Variants in CCSER1 observed in about 807,000 individuals in gnomAD.
The protein encoded by CCSER1 is coiled-coil serine rich protein 1.
In CCSER1, 41 loss-of-function variants were observed where a neutral mutation model predicts 82.0. That is an observed-to-expected ratio of 0.50 (90% confidence interval 0.39 to 0.65). The LOEUF (loss-of-function observed/expected upper bound fraction) is 0.65. Among genes scored for constraint, CCSER1 ranks in the 30% least tolerant of loss-of-function variants. The pLI is 0.00. For synonymous variants in CCSER1, 414 were observed against 383.9 expected, an observed-to-expected ratio of 1.08 and a Z score of -0.92; for missense variants, 1,119 against 1,064.2, an observed-to-expected ratio of 1.05 and a Z score of -0.72.
At chr4:90,924,644 A>G (rs1285078969) in intron 9 of CCSER1, among the ~76,000 whole-genome samples, 2 of 152,182 alleles carry the variant, frequency 1.3e-5, no homozygotes, top group Non-Finnish European at 2.9e-5. Context: ...GTCCTTAAAG[A>G]GTATTTACCA....
At chr4:91,454,818 C>T (rs762666520) in intron 10 of CCSER1, among the ~76,000 whole-genome samples, 13 of 151,750 alleles carry the variant, frequency 8.6e-5, no homozygotes, top group Admixed American at 1.3e-4. Flanking sequence ...ATCGACTCCC[C>T]GAGAAGCTGA....
chr4:90,632,543 G>A (rs915528151), intron 6 of CCSER1, among the ~76,000 whole-genome samples: 1 of 152,020 alleles, frequency 6.6e-6, no homozygotes. Flanking sequence ...ATCTAACATT[G>A]TGTTTGTATC....
Position 90,585,559 on chromosome 4 carries a change from A to G in CCSER1, c.1725-42466A>G, listed in dbSNP as rs763983796. On this transcript the variant is annotated intron_variant, in intron 5 of 10. Transcript: ENST00000509176. ...TATAAACCTAGCTAATTAATATTAT[A>G]TGAAGAGTTACCTTTACTTTGCCTA... Among the ~76,000 whole-genome samples the G allele has an allele frequency of 5.9e-5, 9 of 152,240 alleles. 1 individual carries two copies. The highest frequency in any genetic ancestry group is 2.6e-4 in the Admixed American group (4 of 15,288).
intron 1 of CCSER1, among the ~76,000 whole-genome samples, chr4:90,261,819 G>T (rs1724381418): frequency 6.6e-6 from 1 of 151,962 alleles, no homozygotes; most frequent in African/African-American, 2.4e-5. Flanking sequence ...CTTCATCTTT[G>T]TCTGATTGGT....
rs1465747447 is a variant in CCSER1 at position 90,923,494 on chromosome 4, G to A, written c.2172+47G>A. On this transcript the variant is annotated intron_variant, in intron 9 of 10. Transcript: ENST00000509176. ...TTTTTAACTTCATTATTGGCATTCAGACCTCCACAGCTTATTGACCTCTGC... is the reference window on the plus strand; with the variant it reads ...TTTTTAACTTCATTATTGGCATTCAAACCTCCACAGCTTATTGACCTCTGC... 3 of 1,269,850 alleles carry A rather than the reference G, an allele frequency of 2.4e-6. 1 individual carries two copies. The highest frequency in any genetic ancestry group is 3.7e-4 in the Middle Eastern group (2 of 5,454). 78.7% of individuals were successfully genotyped at this position (1,269,850 alleles called of 1,614,324 possible).
chr4:91,490,381 A>G (rs571475273), intron 10 of CCSER1, among the ~76,000 whole-genome samples: 107 of 152,286 alleles, frequency 7.0e-4, no homozygotes, highest in African/African-American at 2.4e-3. Context: ...GAAACATGGT[A>G]TATATACAAG....
intron 5 of CCSER1, among the ~76,000 whole-genome samples, chr4:90,520,661 G>A (rs764060237): frequency 5.3e-5 from 8 of 152,124 alleles, no homozygotes; most frequent in Non-Finnish European, 8.8e-5. Flanking sequence ...CTACTTAATG[G>A]TGGATCAAAT....
At chr4:91,458,934 TTG>T (rs1433542313) in intron 10 of CCSER1, among the ~76,000 whole-genome samples, 1 of 152,158 alleles carries the variant, frequency 6.6e-6, no homozygotes, top group Non-Finnish European at 1.5e-5. Flanking sequence ...CTCCCTATTT[TTG>T]ATGAATCCTT....
Position 91,481,073 on chromosome 4 carries a change from T to A in CCSER1, c.2218-117499T>A, listed in dbSNP as rs1031006180. On this transcript the variant is annotated intron_variant, in intron 10 of 10. Coordinates refer to ENST00000509176, the MANE Select transcript of CCSER1 (RefSeq NM_001145065.2). ...ACCCCTGCCCTCCCTTCCCCTCCCC[T>A]CCCCACCCCTGCCTTCCCTTCCCTT... Among the ~76,000 whole-genome samples the A allele has an allele frequency of 9.4e-5, 3 of 31,848 alleles. No homozygotes were observed. The Admixed American group carries it at 1.2e-3, about 13-fold the overall frequency. The allele number at this position is 31,848 out of a possible 152,430, so 20.9% of individuals were successfully genotyped here. A position where few individuals can be genotyped will look rare whatever the true frequency, so the allele number is the denominator to read the frequency against.
intron 3 of CCSER1, among the ~76,000 whole-genome samples, chr4:90,326,121 C>G (rs994665562): frequency 1.4e-5 from 2 of 145,522 alleles, no homozygotes; most frequent in African/African-American, 5.1e-5. Context: ...TGCAGTGGCG[C>G]AATCTCGGCT....
chr4:90,732,197 T>C (rs1744885627), intron 7 of CCSER1, among the ~76,000 whole-genome samples: 1 of 152,162 alleles, frequency 6.6e-6, no homozygotes, highest in African/African-American at 2.4e-5. Flanking sequence ...GGGTGAATGT[T>C]CCACAGGAAA....
At chr4:91,402,733 T>C (rs1440398677) in intron 10 of CCSER1, among the ~76,000 whole-genome samples, 1 of 151,980 alleles carries the variant, frequency 6.6e-6, no homozygotes, top group Non-Finnish European at 1.5e-5. Context: ...CTGAGGACTC[T>C]GTTCTGTTCT....
At chr4:90,384,937 C>T (rs1449406590) in intron 3 of CCSER1, among the ~76,000 whole-genome samples, 2 of 152,088 alleles carry the variant, frequency 1.3e-5, no homozygotes, top group Non-Finnish European at 2.9e-5. Flanking sequence ...CTGTATGGCC[C>T]TACATATCCA....
chr4:90,691,024 T>C (rs1449122400), intron 6 of CCSER1, among the ~76,000 whole-genome samples: 1 of 152,028 alleles, frequency 6.6e-6, no homozygotes, highest in Non-Finnish European at 1.5e-5. Flanking sequence ...AAAAGATAGG[T>C]AATAGTTCAT....
intron 5 of CCSER1, among the ~76,000 whole-genome samples, chr4:90,497,817 C>G (rs552066472): frequency 1.3e-5 from 2 of 152,088 alleles, no homozygotes; most frequent in African/African-American, 4.8e-5. Flanking sequence ...TGTAACTTGG[C>G]TTTATCTAAA....
chr4:90,957,086 T>G (rs909989882), intron 9 of CCSER1, among the ~76,000 whole-genome samples: 1 of 146,510 alleles, frequency 6.8e-6, no homozygotes, highest in Non-Finnish European at 1.5e-5. Context: ...CAGCCTGATA[T>G]TTCTTTCTTT....
chr4:90,454,186 G>T (rs114187336), intron 4 of CCSER1, among the ~76,000 whole-genome samples: 1,830 of 151,794 alleles, frequency 0.012, 16 homozygotes, highest in South Asian at 0.022. Context: ...TTGTGAGCCT[G>T]CAAAGAGTCC....
intron 10 of CCSER1, among the ~76,000 whole-genome samples, chr4:91,283,472 C>T (rs933974456): frequency 4.6e-5 from 7 of 152,028 alleles, no homozygotes; most frequent in African/African-American, 1.7e-4. Context: ...GGAATTGGTG[C>T]AAGGGAACCT....
At chr4:90,872,330 A>T (rs1766631497) in intron 8 of CCSER1, among the ~76,000 whole-genome samples, 1 of 151,624 alleles carries the variant, frequency 6.6e-6, no homozygotes, top group African/African-American at 2.4e-5. Flanking sequence ...TGGTATGATT[A>T]CATTTCTTGC....
Sources: allele counts gnomAD v4.1 joint callset (sites outside exome capture counted in the v4.1 genomes callset), GRCh38; gene constraint gnomAD v4.1.1; transcripts MANE v1.5; gene names NCBI Gene and HGNC (gene_info 2026-07-23, HGNC 2026-07-21).